The following SYCP2L variants were observed in gnomAD, a reference collection of about 807,000 sequenced individuals.
The protein encoded by SYCP2L is synaptonemal complex protein 2-like.
A neutral mutation model predicts 125.8 loss-of-function variants in SYCP2L; 98 were observed. That is an observed-to-expected ratio of 0.78 (90% CI 0.66 to 0.92). SYCP2L has a LOEUF of 0.92. Among genes scored for constraint, SYCP2L ranks in the 40% least tolerant of loss-of-function variants. The pLI is 0.00. For missense variants in SYCP2L, 842 were observed against 936.4 expected, an observed-to-expected ratio of 0.90 and a Z score of 1.32; for synonymous variants, 317 against 325.4, an observed-to-expected ratio of 0.97 and a Z score of 0.28.
At chr6:10,940,804 A>G (rs1402516277) in intron 21 of SYCP2L, among the ~76,000 whole-genome samples, 5 of 152,212 alleles carry the variant, frequency 3.3e-5, no homozygotes, top group African/African-American at 1.2e-4. Flanking sequence ...AGTGATAATC[A>G]TTACACCGTA....
At chr6:10,961,953 T>G (rs1294748228) in intron 28 of SYCP2L, among the ~76,000 whole-genome samples, 2 of 152,232 alleles carry the variant, frequency 1.3e-5, no homozygotes, top group Non-Finnish European at 2.9e-5. Flanking sequence ...TTTACTCATT[T>G]ACACATTTTT....
chr6:10,964,408 A>C (rs1378989310), intron 29 of SYCP2L, among the ~76,000 whole-genome samples: 1 of 152,208 alleles, frequency 6.6e-6, no homozygotes, highest in Non-Finnish European at 1.5e-5. Context: ...CTCATCCAAA[A>C]TGCATGAGAC....
intron 29 of SYCP2L, among the ~76,000 whole-genome samples, chr6:10,965,540 A>G (rs916914837): frequency 2.6e-5 from 4 of 152,224 alleles, no homozygotes; most frequent in Admixed American, 2.0e-4. Flanking sequence ...ACAGTTTAAC[A>G]AAATGGACTT....
At chr6:10,895,618 AAGG>A (rs1443781806) in intron 4 of SYCP2L, among the ~76,000 whole-genome samples, 1 of 134,228 alleles carries the variant, frequency 7.5e-6, no homozygotes, top group Admixed American at 8.6e-5. Flanking sequence ...AAAAAGGAGA[AAGG>A]AGAACAAAAG....
At position 10,913,013 on chromosome 6, in the gene SYCP2L, G is replaced by T. The variant is rs751499021; in HGVS notation, c.1072+86G>T. The T allele has an allele frequency of 9.8e-6, 13 of 1,331,914 alleles. No individual in the cohort carries two copies. In the Admixed American group the frequency reaches 2.4e-4, roughly 25 times the overall value. The allele number at this position is 1,331,914 out of a possible 1,614,324, so 82.5% of individuals were successfully genotyped here. ...CAGTGTGTATTTATTTAATTCTAGG[G>T]CATATTTTGACCATGCCTTGAGGTA... On this transcript the variant is annotated intron_variant, in intron 14 of 29. Transcript: ENST00000283141.
In SYCP2L at chr6:10,961,286, C is replaced by CA. The variant is rs1248172713; in HGVS notation, c.2256-19_2256-18insA. Reference sequence around the variant, plus strand: ...ATCCAAGCGATCCCAATGATATTTACTGCTTTTATGTTTATTAGACTCAAT... The same window carrying CA: ...ATCCAAGCGATCCCAATGATATTTACATGCTTTTATGTTTATTAGACTCAAT... On this transcript the variant is annotated intron_variant, in intron 26 of 29. Transcript: ENST00000283141. 10 of 1,597,582 alleles carry CA rather than the reference C, an allele frequency of 6.3e-6. No homozygotes were observed. Among genetic ancestry groups the CA allele is most frequent in the African/African-American group, 1.3e-5 (1 of 74,684 alleles).
chr6:10,956,140 A>T lies in SYCP2L; in HGVS notation c.2061A>T (p.Gly687=), dbSNP rs548050561. Residue 687 remains glycine (G), a synonymous_variant, in exon 25 of 30, where the codon GGA becomes GGT. Transcript: ENST00000283141. ...TGTTTTGTTTTTGTTTTCCAGAAGG[A>T]ATTTCCACTTCATCCCTAGAAGTTG... is the stretch of plus-strand genomic sequence containing the variant. ...SITEERELPE[G]ISTSSLEVVP... 6.2e-7 allele frequency: 1 copy of T among 1,613,174 alleles called. No homozygotes were observed. The highest frequency in any genetic ancestry group is 1.3e-5 in the African/African-American group (1 of 75,010).
At chr6:10,929,684 C>T (rs1034357115) in intron 18 of SYCP2L, among the ~76,000 whole-genome samples, 1 of 151,982 alleles carries the variant, frequency 6.6e-6, no homozygotes, top group Non-Finnish European at 1.5e-5. Flanking sequence ...CCCGTAATCC[C>T]AGCACTTTGG....
intron 21 of SYCP2L, among the ~76,000 whole-genome samples, chr6:10,938,398 A>G (rs973563690): frequency 3.3e-5 from 5 of 152,192 alleles, no homozygotes; most frequent in Admixed American, 2.0e-4. Context: ...GTACATATAG[A>G]ATGCACCTCA....
intron 29 of SYCP2L, among the ~76,000 whole-genome samples, chr6:10,964,045 C>T (rs889600038): frequency 2.8e-4 from 43 of 151,726 alleles, no homozygotes; most frequent in African/African-American, 1.0e-3. Context: ...GCAAGCTCCG[C>T]CTCCCAGGTT....
intron 5 of SYCP2L, 32 bp from the exon 6 acceptor site, chr6:10,898,792 T>C (rs1780328729): frequency 2.3e-6 from 3 of 1,308,606 alleles, no homozygotes; most frequent in South Asian, 2.4e-5. Flanking sequence ...TTTAAAATAA[T>C]ATGAGCTTTA....
At chr6:10,903,344 C>A (rs1039374438) in intron 8 of SYCP2L, among the ~76,000 whole-genome samples, 1 of 152,098 alleles carries the variant, frequency 6.6e-6, no homozygotes, top group African/African-American at 2.4e-5. Flanking sequence ...GTCAGGAGAT[C>A]GAGACCATCC....
intron 23 of SYCP2L, 83 bp downstream of exon 23, chr6:10,942,829 A>G: frequency 7.9e-7 from 1 of 1,264,074 alleles, no homozygotes; most frequent in Non-Finnish European, 1.1e-6. Flanking sequence ...TGTTACTCAG[A>G]TTGCAGATCA....
In SYCP2L at chr6:10,928,695, G is replaced by A. The variant is rs372305477; in HGVS notation, c.1488+245G>A. ...CAAGAACTACAGGTGGTGCCACCACGCCTGGCTTATTTTAAAATTTTTTAT... is the reference window on the plus strand; with the variant it reads ...CAAGAACTACAGGTGGTGCCACCACACCTGGCTTATTTTAAAATTTTTTAT... On this transcript the variant is annotated intron_variant, in intron 18 of 29. Coordinates refer to ENST00000283141, the MANE Select transcript of SYCP2L (RefSeq NM_001040274.3). 3.2e-4 allele frequency among the ~76,000 whole-genome samples: 48 copies of A among 152,186 alleles called. No homozygotes were observed. In the South Asian group the frequency reaches 9.1e-3, roughly 29 times the overall value.
chr6:10,922,873 G>C (rs1780823982), intron 14 of SYCP2L: 1 of 152,018 alleles, frequency 6.6e-6, no homozygotes, highest in South Asian at 2.1e-4. Flanking sequence ...TAAAAAAGTA[G>C]ATTAAGTAGA....
chr6:10,942,519 A>G lies in SYCP2L; in HGVS notation c.1874A>G (p.Glu625Gly), dbSNP rs1781242248. ...LSSLKHSEDE[E>G]KPKIVNQESL... is the part of the protein sequence containing the mutation. Reference sequence around the variant, plus strand: ...TCCTTGAAGCACTCAGAAGATGAAGAAAAACCTAAGGTACTATTTAATTGT... The same window carrying G: ...TCCTTGAAGCACTCAGAAGATGAAGGAAAACCTAAGGTACTATTTAATTGT... Residue 625 changes from glutamate to glycine, a missense_variant, in exon 22 of 30, where the codon GAA becomes GGA. Physicochemically the swap from Glu to Gly is moderately conservative, Grantham distance 98 (BLOSUM62 -2). Transcript: ENST00000283141. 13 of 1,603,420 alleles carry G rather than the reference A, an allele frequency of 8.1e-6. 1 individual carries two copies. The East Asian group carries it at 2.7e-4, about 33-fold the overall frequency.
chr6:10,892,064 A>G (rs955052472), intron 2 of SYCP2L, among the ~76,000 whole-genome samples: 2 of 152,314 alleles, frequency 1.3e-5, no homozygotes, highest in East Asian at 1.9e-4. Context: ...TGGAAGATCT[A>G]CCTGAAAAAG....
chr6:10,931,549 CA>C (rs1222994888), intron 20 of SYCP2L, 60 bp downstream of exon 20: 7 of 1,471,832 alleles, frequency 4.8e-6, no homozygotes, highest in Non-Finnish European at 2.8e-6. Context: ...TTTATTTCTC[CA>C]AAAACAACTT....
chr6:10,902,158 C>T (rs1033522564), intron 6 of SYCP2L, among the ~76,000 whole-genome samples: 3 of 152,192 alleles, frequency 2.0e-5, no homozygotes, highest in African/African-American at 4.8e-5. Flanking sequence ...ACAATTGCTC[C>T]GTAACAGAGG....
Sources: allele counts gnomAD v4.1 joint callset (sites outside exome capture counted in the v4.1 genomes callset), GRCh38; gene constraint gnomAD v4.1.1; transcripts MANE v1.5; gene names NCBI Gene and HGNC (gene_info 2026-07-23, HGNC 2026-07-21).